The following KDM4B variants were observed in gnomAD, a reference collection of about 807,000 sequenced individuals.
The protein encoded by KDM4B is lysine-specific demethylase 4B.
KDM4B carries 32 observed loss-of-function variants against 125.2 expected under a neutral mutation model. That is an observed-to-expected ratio of 0.26 (90% CI 0.19 to 0.34). The LOEUF is 0.34. KDM4B is among the 10% of genes least tolerant of loss of function. The pLI is 1.00. For synonymous variants in KDM4B, 721 were observed against 677.9 expected (o/e 1.06, Z -0.99); for missense variants, 1,190 against 1,577.7 (o/e 0.75, Z 4.16).
At chr19:5,018,411 C>T (rs896723224) in intron 2 of KDM4B, among the ~76,000 whole-genome samples, 4 of 152,090 alleles carry the variant, frequency 2.6e-5, no homozygotes, top group African/African-American at 7.2e-5. Context: ...AGAAAGTCCT[C>T]GGGGAGAGCA....
chr19:5,014,420 G>A (rs1281598339), intron 1 of KDM4B, among the ~76,000 whole-genome samples: 16 of 152,164 alleles, frequency 1.1e-4, no homozygotes, highest in Non-Finnish European at 1.5e-4. Flanking sequence ...GGGACTGCAG[G>A]CGCCCGCCAC....
Position 5,114,004 on chromosome 19 carries a change from T to C in KDM4B, c.1115+3186T>C. 1 of 1,268,768 alleles carries C rather than the reference T, an allele frequency of 7.9e-7. No individual in the cohort carries two copies. The highest frequency in any genetic ancestry group is 1.0e-6 in the Non-Finnish European group (1 of 977,820). The allele number at this position is 1,268,768 out of a possible 1,614,324, so 78.6% of individuals were successfully genotyped here. ...AGAACTAAATCTCGTTGAGCGAGCG[T>C]TGGGGGCTGTTTGTATTCTTCCCCC... is the stretch of plus-strand genomic sequence containing the variant. On this transcript the variant is annotated intron_variant, in intron 10 of 22. Transcript: ENST00000159111. This position sits in a 1 kb window ranked among gnomAD's most constrained non-coding sequence, Gnocchi z 5.8.
At chr19:5,125,547 C>T (rs1441174702) in intron 11 of KDM4B, among the ~76,000 whole-genome samples, 1 of 152,212 alleles carries the variant, frequency 6.6e-6, no homozygotes, top group African/African-American at 2.4e-5. Flanking sequence ...TAAAGATGTA[C>T]AGGGCAACTC....
intron 1 of KDM4B, among the ~76,000 whole-genome samples, chr19:5,008,423 C>T (rs752669727): frequency 5.3e-5 from 8 of 152,068 alleles, no homozygotes; most frequent in East Asian, 3.9e-4. Flanking sequence ...GGTTCATAAC[C>T]GTGAATTATT....
At chr19:5,039,534 A>G (rs1225208750) in intron 3 of KDM4B, among the ~76,000 whole-genome samples, 3 of 152,082 alleles carry the variant, frequency 2.0e-5, no homozygotes, top group Non-Finnish European at 4.4e-5. Flanking sequence ...AGTGCCACCT[A>G]TGTTTGCTGA....
At chr19:4,982,192 T>G (rs1177951280) in intron 1 of KDM4B, among the ~76,000 whole-genome samples, 1 of 151,872 alleles carries the variant, frequency 6.6e-6, no homozygotes, top group Non-Finnish European at 1.5e-5. Context: ...ACTTGGAGGC[T>G]GAGGCAGGAG....
At chr19:5,036,951 T>C (rs1245437647) in intron 3 of KDM4B, among the ~76,000 whole-genome samples, 3 of 152,188 alleles carry the variant, frequency 2.0e-5, no homozygotes, top group Admixed American at 6.5e-5. Flanking sequence ...TGTGGCTCCG[T>C]GTGTGCGGCG....
chr19:5,067,837 AG>A (rs2145807843), intron 6 of KDM4B, among the ~76,000 whole-genome samples: 1 of 152,280 alleles, frequency 6.6e-6, no homozygotes, highest in Non-Finnish European at 1.5e-5. Context: ...CCGGGCACAC[AG>A]GGCTGTCGTG....
intron 2 of KDM4B, among the ~76,000 whole-genome samples, chr19:5,030,035 C>G (rs917045121): frequency 1.3e-5 from 2 of 152,230 alleles, no homozygotes; most frequent in Non-Finnish European, 1.5e-5. Flanking sequence ...GTGCTGCTGG[C>G]AGCTGTGGCC....
intron 6 of KDM4B, among the ~76,000 whole-genome samples, chr19:5,063,119 G>C (rs1005341494): frequency 6.6e-6 from 1 of 152,042 alleles, no homozygotes; most frequent in Non-Finnish European, 1.5e-5. Context: ...GGTAGTGGGA[G>C]AGTCCCTGCT....
At chr19:5,023,270 A>G (rs2036178745) in intron 2 of KDM4B, among the ~76,000 whole-genome samples, 1 of 152,188 alleles carries the variant, frequency 6.6e-6, no homozygotes, top group African/African-American at 2.4e-5. Flanking sequence ...TCTCGTGCCA[A>G]GGTTTTCTCT....
intron 1 of KDM4B, among the ~76,000 whole-genome samples, chr19:4,975,553 G>A (rs8099963): frequency 0.36 from 53,741 of 150,984 alleles, 10,219 homozygotes; most frequent in East Asian, 0.72. Context: ...CTCCTTAGAC[G>A]TGGTGGGTGT....
At chr19:4,989,016 C>T (rs1299057117) in intron 1 of KDM4B, among the ~76,000 whole-genome samples, 1 of 152,198 alleles carries the variant, frequency 6.6e-6, no homozygotes. Context: ...CTGGGGGAGT[C>T]GTAGGCCAGG....
At position 5,131,962 on chromosome 19, in the gene KDM4B, C is replaced by A. The variant is rs770842232; in HGVS notation, c.1861C>A (p.Arg621=). The A allele has an allele frequency of 6.2e-7, 1 of 1,611,868 alleles. No homozygotes were observed. The highest frequency in any genetic ancestry group is 1.1e-5 in the South Asian group (1 of 90,912). The stretch of plus-strand genomic sequence containing the variant: ...CCATCCCCTGGGCCGGCCGCCCACC[C>A]GGTCCCCACTGTCGGTGGTGAAGCA... ...RRHPLGRPPT[R]SPLSVVKQEA... Residue 621 remains arginine, a synonymous_variant, in exon 13 of 23, where the codon CGG becomes AGG. Coordinates refer to ENST00000159111, the MANE Select transcript of KDM4B (RefSeq NM_015015.3).
At chr19:5,092,492 G>A (rs564890376) in intron 9 of KDM4B, among the ~76,000 whole-genome samples, 54 of 152,224 alleles carry the variant, frequency 3.5e-4, no homozygotes, top group African/African-American at 1.3e-3. Context: ...CAGGAGCTCC[G>A]GGGGGGACAC....
At chr19:4,979,487 A>G (rs766460523) in intron 1 of KDM4B, among the ~76,000 whole-genome samples, 4 of 152,154 alleles carry the variant, frequency 2.6e-5, no homozygotes, top group Non-Finnish European at 5.9e-5. Flanking sequence ...GTCAGGGTGA[A>G]GCCCACCTGG....
rs542891213 is a variant in KDM4B, at chr19:5,073,096, A to G, written c.676+2037A>G. Among the ~76,000 whole-genome samples the G allele has an allele frequency of 5.3e-5, 8 of 152,348 alleles. No individual in the cohort carries two copies. In the South Asian group the frequency reaches 1.0e-3, roughly 20 times the overall value. Reference sequence around the variant, plus strand: ...ATAGCCAGGGTGCTCCCCCACCTCAAGATCCTTAACTCGATCCCATCTGCA... The same window carrying G: ...ATAGCCAGGGTGCTCCCCCACCTCAGGATCCTTAACTCGATCCCATCTGCA... On this transcript the variant is annotated intron_variant, in intron 7 of 22. Coordinates refer to ENST00000159111, the MANE Select transcript of KDM4B (RefSeq NM_015015.3).
chr19:5,110,472 G>A (rs531746272), intron 9 of KDM4B, 150 bp from the exon 10 acceptor site: 15 of 728,822 alleles, frequency 2.1e-5, no homozygotes, highest in African/African-American at 8.9e-5. Flanking sequence ...ACCGTGTCTC[G>A]AAAAGAAAAA....
chr19:5,086,622 C>T (rs890531723), intron 9 of KDM4B, among the ~76,000 whole-genome samples: 8 of 151,940 alleles, frequency 5.3e-5, no homozygotes, highest in Non-Finnish European at 7.4e-5. Flanking sequence ...CGGGGTTGCA[C>T]AGCTCGCAGG....
Sources: gnomAD v4.1 joint callset for allele counts (sites outside exome capture counted in the v4.1 genomes callset) on GRCh38, gnomAD v4.1.1 for gene constraint, Gnocchi (gnomAD v3.1) non-coding constraint, MANE v1.5 for transcripts, NCBI Gene and HGNC (gene_info 2026-07-23, HGNC 2026-07-21) for gene names.